Variants in RIMS1 observed in about 807,000 individuals in gnomAD.
RIMS1 encodes regulating synaptic membrane exocytosis 1.
In RIMS1, 83 loss-of-function variants were observed where a neutral mutation model predicts 214.1. That is an observed-to-expected ratio of 0.39 (90% confidence interval 0.32 to 0.47). The LOEUF (loss-of-function observed/expected upper bound fraction) is 0.47, where lower values mean the gene tolerates loss of function less well. RIMS1 is among the 20% of genes least tolerant of loss of function. The probability of loss-of-function intolerance (pLI) is 0.99; values close to 1 mark genes in which losing one functional copy is unlikely to be tolerated. For missense variants in RIMS1, 2,050 were observed against 2,161.8 expected (o/e 0.95, Z 1.03); for synonymous variants, 793 against 786.8 (o/e 1.01, Z -0.13).
At chr6:72,193,940 T>C (rs987526204) in intron 6 of RIMS1, among the ~76,000 whole-genome samples, 1 of 152,154 alleles carries the variant, frequency 6.6e-6, no homozygotes, top group Non-Finnish European at 1.5e-5. Flanking sequence ...GAAATTTTTT[T>C]TTAGAGTAAT....
At chr6:72,198,077 A>G (rs986160904) in intron 6 of RIMS1, among the ~76,000 whole-genome samples, 10 of 152,140 alleles carry the variant, frequency 6.6e-5, no homozygotes, top group African/African-American at 2.4e-4. Context: ...TAGAACAACC[A>G]TATAATCCAG....
rs79270117 is a variant in RIMS1, at chr6:72,134,939, G to A, written c.471+34953G>A. On this transcript the variant is annotated intron_variant, in intron 4 of 33. Transcript: ENST00000521978. ...AAAGGGAGTGATTATTCAACCTGGA[G>A]AGATAAAGGCTTTCCAGAATGTGAC... Among the ~76,000 whole-genome samples, 363 of 152,190 alleles carry A rather than the reference G, an allele frequency of 2.4e-3. 1 individual carries two copies. Among genetic ancestry groups the A allele is most frequent in the Middle Eastern group, 0.02 (6 of 294 alleles).
At chr6:72,112,664 C>T (rs2153821389) in intron 4 of RIMS1, among the ~76,000 whole-genome samples, 1 of 152,238 alleles carries the variant, frequency 6.6e-6, no homozygotes, top group South Asian at 2.1e-4. Context: ...CTCTTCAGGT[C>T]TCTGCTCAAA....
At chr6:71,984,889 A>G (rs796141112) in intron 2 of RIMS1, among the ~76,000 whole-genome samples, 2 of 151,914 alleles carry the variant, frequency 1.3e-5, no homozygotes, top group Non-Finnish European at 2.9e-5. Flanking sequence ...GTATAAAAGG[A>G]AAGTCCAACA....
intron 2 of RIMS1, among the ~76,000 whole-genome samples, chr6:72,010,281 C>G (rs901205810): frequency 4.6e-5 from 7 of 152,220 alleles, no homozygotes; most frequent in African/African-American, 1.4e-4. Context: ...ATTCAACAGC[C>G]CTTCATGCTA....
At chr6:72,213,062 G>C in intron 6 of RIMS1, 2 of 1,534,172 alleles carry the variant, frequency 1.3e-6, no homozygotes, top group Non-Finnish European at 1.7e-6. Flanking sequence ...GAGCAGCAGA[G>C]AGTGGTTTAA....
chr6:72,076,042 T>C (rs573567840), intron 2 of RIMS1, among the ~76,000 whole-genome samples: 1 of 152,226 alleles, frequency 6.6e-6, no homozygotes, highest in South Asian at 2.1e-4. Flanking sequence ...AAATATTAAC[T>C]GGCAAGCTTT....
At chr6:72,235,945 T>A (rs1439685888) in intron 8 of RIMS1, among the ~76,000 whole-genome samples, 1 of 152,130 alleles carries the variant, frequency 6.6e-6, no homozygotes, top group African/African-American at 2.4e-5. Context: ...TAAAAAGATT[T>A]AAATGGAAAG....
chr6:71,924,598 G>A (rs1159848170), intron 1 of RIMS1, among the ~76,000 whole-genome samples: 8 of 147,502 alleles, frequency 5.4e-5, no homozygotes, highest in East Asian at 3.9e-4. Context: ...ATTTGAGACC[G>A]GACTGGCCAA....
chr6:72,236,604 G>T (rs549415808), intron 8 of RIMS1, among the ~76,000 whole-genome samples: 1 of 152,170 alleles, frequency 6.6e-6, no homozygotes, highest in African/African-American at 2.4e-5. Flanking sequence ...TTGATACTAA[G>T]TAGGGAAGAC....
At chr6:72,152,315 A>G (rs2043722973) in intron 4 of RIMS1, among the ~76,000 whole-genome samples, 1 of 152,238 alleles carries the variant, frequency 6.6e-6, no homozygotes, top group Admixed American at 6.5e-5. Context: ...TGGGAGAGGT[A>G]CTATCACTAT....
chr6:71,975,384 G>C (rs546418024), intron 2 of RIMS1, among the ~76,000 whole-genome samples: 4 of 152,262 alleles, frequency 2.6e-5, no homozygotes, highest in African/African-American at 9.6e-5. Flanking sequence ...AACTAATAAA[G>C]TTAGAATTTG....
chr6:72,364,778 T>C (rs961349471), intron 29 of RIMS1, among the ~76,000 whole-genome samples: 3 of 152,210 alleles, frequency 2.0e-5, no homozygotes, highest in African/African-American at 7.2e-5. Flanking sequence ...CAATTGGGGT[T>C]CTATGGGAGA....
intron 4 of RIMS1, among the ~76,000 whole-genome samples, chr6:72,123,182 C>T (rs1365088093): frequency 3.3e-5 from 5 of 151,730 alleles, no homozygotes; most frequent in East Asian, 1.9e-4. Context: ...TCTTTGTTCT[C>T]GTTGGTTTCA....
At chr6:72,238,269 G>A (rs1019514262) in intron 9 of RIMS1, among the ~76,000 whole-genome samples, 2 of 151,646 alleles carry the variant, frequency 1.3e-5, no homozygotes, top group Admixed American at 6.6e-5. Context: ...ATTTATCTTT[G>A]AGAAAAAAAT....
chr6:72,264,486 C>T (rs1384217222), intron 19 of RIMS1, among the ~76,000 whole-genome samples: 2 of 150,780 alleles, frequency 1.3e-5, no homozygotes, highest in African/African-American at 4.9e-5. Context: ...TTTCTGTTTC[C>T]TTTTTTTTTG....
At chr6:72,087,199 ATCC>A (rs1834881305) in intron 2 of RIMS1, among the ~76,000 whole-genome samples, 1 of 152,234 alleles carries the variant, frequency 6.6e-6, no homozygotes, top group Non-Finnish European at 1.5e-5. Context: ...TCAACATAGG[ATCC>A]ATGAAGTTCA....
chr6:72,311,670 T>G (rs1202758866), intron 27 of RIMS1, among the ~76,000 whole-genome samples: 4 of 152,218 alleles, frequency 2.6e-5, no homozygotes. Context: ...TCATGCCTGA[T>G]ATGAAATTCT....
At chr6:72,188,457 A>G (rs1186913162) in intron 6 of RIMS1, among the ~76,000 whole-genome samples, 1 of 152,236 alleles carries the variant, frequency 6.6e-6, no homozygotes, top group African/African-American at 2.4e-5. Flanking sequence ...AATAAATCTT[A>G]TGTCACATGA....
Sources: allele counts gnomAD v4.1 joint callset (sites outside exome capture counted in the v4.1 genomes callset), GRCh38; gene constraint gnomAD v4.1.1; transcripts MANE v1.5; gene names NCBI Gene and HGNC (gene_info 2026-07-23, HGNC 2026-07-21).